The following EFTUD2 variants were observed in gnomAD, a reference collection of about 807,000 sequenced individuals.
EFTUD2 encodes elongation factor Tu GTP binding domain containing 2.
A neutral mutation model predicts 114.3 loss-of-function variants in EFTUD2; 9 were observed. The ratio of observed to expected loss-of-function variants is 0.08; its 90% CI spans 0.05 to 0.14. The LOEUF is 0.14. Ranked by LOEUF, EFTUD2 falls within the 10% of genes least tolerant of loss-of-function variation. EFTUD2 has a pLI of 1.00. For missense variants in EFTUD2, 765 were observed against 1,241.2 expected, an observed-to-expected ratio of 0.62 and a Z score of 5.76; for synonymous variants, 449 against 462.3, an observed-to-expected ratio of 0.97 and a Z score of 0.37.
At chr17:44,851,400 C>T (rs745518184) in intron 27 of EFTUD2, 31 bp from the exon 28 acceptor site, 2 of 1,569,752 alleles carry the variant, frequency 1.3e-6, no homozygotes, top group Admixed American at 1.7e-5. Flanking sequence ...ATAAGAAAGC[C>T]CGAGGTGGTC....
At chr17:44,887,315 A>C (rs2051193017) in intron 2 of EFTUD2, among the ~76,000 whole-genome samples, 1 of 152,206 alleles carries the variant, frequency 6.6e-6, no homozygotes, top group Admixed American at 6.5e-5. Flanking sequence ...TCCACTCCTA[A>C]GTATATACCC....
intron 1 of EFTUD2, 80 bp from the exon 2 acceptor site, chr17:44,894,605 A>AC: frequency 9.3e-7 from 1 of 1,078,762 alleles, no homozygotes; most frequent in East Asian, 2.4e-5. Flanking sequence ...GTCTAGTCTT[A>AC]GTCTTATGGT....
chr17:44,853,665 G>C (rs748722855), intron 23 of EFTUD2, 30 bp from the exon 24 acceptor site: 2 of 1,611,966 alleles, frequency 1.2e-6, no homozygotes, highest in Non-Finnish European at 1.7e-6. Flanking sequence ...AGTGACTGGG[G>C]AGAGGTTCTG....
At chr17:44,889,914 G>A (rs970173904) in intron 2 of EFTUD2, among the ~76,000 whole-genome samples, 1 of 152,190 alleles carries the variant, frequency 6.6e-6, no homozygotes, top group Non-Finnish European at 1.5e-5. Flanking sequence ...CTGACTGCCT[G>A]TAATTATCTC....
In EFTUD2 at chr17:44,886,708, C is replaced by T. The variant is rs148202258; in HGVS notation, c.148G>A (p.Asp50Asn). The T allele has an allele frequency of 6.9e-5, 111 of 1,614,124 alleles. 1 individual carries two copies. The Middle Eastern group carries it at 1.2e-3, about 17-fold the overall frequency. ...ACCACCTCCATCCCAGGGTGGTCAT[C>T]GTCATGATCTCCTACGTCATCGTCG... The part of the protein sequence containing the change: ...DDDDDVGDHD[D>N]DHPGMEVVLH... Residue 50 changes from aspartate (D) to asparagine (N), a missense_variant, in exon 3 of 28, where the codon GAT (aspartate) becomes AAT (asparagine). Asp to Asn is a conservative substitution (Grantham distance 23). Around this residue, in one of 6 missense-constraint regions of EFTUD2, gnomAD observed 121 missense variants for 133.7 expected, o/e 0.90. Transcript: ENST00000426333.
chr17:44,870,785 C>T (rs535183117), intron 11 of EFTUD2, among the ~76,000 whole-genome samples: 4 of 152,098 alleles, frequency 2.6e-5, no homozygotes, highest in African/African-American at 7.2e-5. Flanking sequence ...TTTGAGAGGC[C>T]GAGGTGGGCG....
At chr17:44,851,671 G>C in intron 27 of EFTUD2, 39 bp downstream of exon 27, 1 of 1,520,502 alleles carries the variant, frequency 6.6e-7, no homozygotes, top group Non-Finnish European at 8.8e-7. Context: ...GAGAGTCCTG[G>C]GGGGTTGAGG....
intron 3 of EFTUD2, 60 bp downstream of exon 3, chr17:44,886,525 G>T: frequency 6.3e-7 from 1 of 1,591,384 alleles, no homozygotes; most frequent in Non-Finnish European, 8.6e-7. Context: ...GGTTTGCTGA[G>T]AGCTATGAAG....
At chr17:44,883,260 G>C in intron 5 of EFTUD2, 102 bp from the exon 6 acceptor site, 1 of 1,022,702 alleles carries the variant, frequency 9.8e-7, no homozygotes, top group Non-Finnish European at 1.5e-6. Context: ...GATAAGGAGA[G>C]AAAAAGGAGA....
intron 15 of EFTUD2, 49 bp downstream of exon 15, chr17:44,863,606 C>A: frequency 1.9e-6 from 3 of 1,591,546 alleles, no homozygotes; most frequent in Non-Finnish European, 2.6e-6. Context: ...TATCCCCACA[C>A]AGGAAGGGGA....
intron 11 of EFTUD2, 38 bp downstream of exon 11, chr17:44,872,408 G>A (rs781388517): frequency 1.9e-6 from 3 of 1,607,268 alleles, no homozygotes; most frequent in Non-Finnish European, 2.6e-6. Flanking sequence ...ACAGGACTCA[G>A]GGGAAGCTGG....
intron 13 of EFTUD2, chr17:44,865,330 C>T (rs2050725885): frequency 2.7e-6 from 1 of 373,344 alleles, no homozygotes; most frequent in African/African-American, 2.1e-5. Flanking sequence ...CAGTGCTGCC[C>T]CCTGGTGTCT....
In EFTUD2 at chr17:44,864,521, CA is replaced by C. The variant is rs145359999; in HGVS notation, c.1285+408del. Reference sequence around the variant, plus strand: ...GACAGACTCAGGTGGTTTTTTCAACCAGTCCAGTGTCTTTCTGCTGTATCAC... The same window carrying C: ...GACAGACTCAGGTGGTTTTTTCAACCGTCCAGTGTCTTTCTGCTGTATCAC... On this transcript the variant is annotated intron_variant, in intron 14 of 27. Transcript: ENST00000426333. Among the ~76,000 whole-genome samples the C allele has an allele frequency of 5.6e-3, 846 of 152,284 alleles. 9 individuals carry two copies. Among genetic ancestry groups the C allele is most frequent in the African/African-American group, 0.019 (798 of 41,548 alleles).
chr17:44,857,886 T>A (rs1485226870), intron 19 of EFTUD2, among the ~76,000 whole-genome samples: 1 of 151,946 alleles, frequency 6.6e-6, no homozygotes, highest in Admixed American at 6.6e-5. Context: ...GGACCAAGAA[T>A]AACTTTGGCT....
chr17:44,857,556 G>A (rs2050578881), intron 19 of EFTUD2: 1 of 239,604 alleles, frequency 4.2e-6, no homozygotes, highest in Non-Finnish European at 8.4e-6. Context: ...GCATCTGAGT[G>A]AAGCTCTGCC....
At chr17:44,851,510 G>A (rs889882960) in intron 27 of EFTUD2, 141 bp from the exon 28 acceptor site, 2 of 878,488 alleles carry the variant, frequency 2.3e-6, no homozygotes, top group Non-Finnish European at 3.6e-6. Flanking sequence ...TGCCTTTAGG[G>A]TACTATCACA....
rs948661910 is a variant in EFTUD2, at chr17:44,870,314, T to C, written c.995-1964A>G. Among the ~76,000 whole-genome samples, 7 of 150,968 alleles carry C rather than the reference T, an allele frequency of 4.6e-5. No individual in the cohort carries two copies. In the East Asian group the frequency reaches 9.6e-4, roughly 21 times the overall value. On this transcript the variant is annotated intron_variant, in intron 11 of 27. Transcript: ENST00000426333. ...GCTTCACATGCTCATACAATGGACA[T>C]TTAGAAACACAAACTTCTACTGGAA...
rs139421777 is a variant in EFTUD2 at position 44,859,641 on chromosome 17, G to GCACACACACA, written c.1860+254_1860+263dup. 4.7e-4 allele frequency: 246 copies of GCACACACACA among 518,532 alleles called. 1 individual carries two copies. The highest frequency in any genetic ancestry group is 4.5e-3 in the African/African-American group (233 of 51,424). The allele number at this position is 518,532 out of a possible 1,614,324, so 32.1% of individuals were successfully genotyped here. A position where few individuals can be genotyped will look rare whatever the true frequency, so the allele number is the denominator to read the frequency against. On this transcript the variant is annotated intron_variant, in intron 18 of 27. Transcript: ENST00000426333. ...AAAGACATCTGCGGAACACAAATACGCACACACACACACACACACAACCTT... is the reference window on the plus strand; with the variant it reads ...AAAGACATCTGCGGAACACAAATACGCACACACACACACACACACACACACACACAACCTT...
chr17:44,868,914 A>G (rs928442230), intron 11 of EFTUD2, among the ~76,000 whole-genome samples: 6 of 152,212 alleles, frequency 3.9e-5, no homozygotes, highest in African/African-American at 9.6e-5. Context: ...TAGTTTGACT[A>G]TAACTGCTAA....
Sources: allele counts gnomAD v4.1 joint callset (sites outside exome capture counted in the v4.1 genomes callset), GRCh38; gene constraint gnomAD v4.1.1; regional missense constraint gnomAD v4.1.1; transcripts MANE v1.5; gene names NCBI Gene and HGNC (gene_info 2026-07-23, HGNC 2026-07-21).